The following STXBP5L variants were observed in gnomAD, a reference collection of about 807,000 sequenced individuals.
STXBP5L encodes syntaxin binding protein 5L.
STXBP5L carries 65 observed loss-of-function variants against 144.5 expected under a neutral mutation model. That is an observed-to-expected ratio of 0.45 (90% confidence interval 0.37 to 0.55). The LOEUF is 0.55. STXBP5L is among the 20% of genes least tolerant of loss of function. The probability of loss-of-function intolerance (pLI) is 0.00; values close to 1 mark genes in which losing one functional copy is unlikely to be tolerated. For synonymous variants in STXBP5L, 505 were observed against 469.6 expected, an observed-to-expected ratio of 1.08 and a Z score of -0.97; for missense variants, 1,298 against 1,405.5, an observed-to-expected ratio of 0.92 and a Z score of 1.22.
intron 9 of STXBP5L, among the ~76,000 whole-genome samples, chr3:121,186,512 G>T (rs1351199787): frequency 7.2e-5 from 11 of 152,128 alleles, no homozygotes; most frequent in African/African-American, 2.4e-4. Context: ...AAGCATTGTT[G>T]AATTTTGTCA....
intron 3 of STXBP5L, among the ~76,000 whole-genome samples, chr3:121,002,865 TC>T (rs909411130): frequency 9.9e-5 from 15 of 152,134 alleles, no homozygotes; most frequent in African/African-American, 3.1e-4. Context: ...TTCATCCATG[TC>T]CCTACAAAGA....
intron 19 of STXBP5L, among the ~76,000 whole-genome samples, chr3:121,284,255 C>T (rs766917498): frequency 2.0e-5 from 3 of 151,894 alleles, no homozygotes; most frequent in Non-Finnish European, 4.4e-5. Flanking sequence ...GGATTTTCTA[C>T]TATTCTCCTC....
chr3:120,984,345 G>A (rs1472343535), intron 3 of STXBP5L, among the ~76,000 whole-genome samples: 1 of 152,048 alleles, frequency 6.6e-6, no homozygotes, highest in Admixed American at 6.5e-5. Context: ...CCAGAGTTCT[G>A]GTGAACTCAG....
rs965800244 is a variant in STXBP5L at position 121,423,400 on chromosome 3, C to T, written c.*4303C>T. The T allele has an allele frequency of 6.6e-6, 1 of 152,086 alleles. No homozygotes were observed. The highest frequency in any genetic ancestry group is 2.1e-4 in the South Asian group (1 of 4,824). 9.4% of individuals were successfully genotyped at this position (152,086 alleles called of 1,614,324 possible). ...GTGTGTATTTGCAGACAACATAGCCCTGAAAGCATGAAATGTAGAATAGGT... is the reference window on the plus strand; with the variant it reads ...GTGTGTATTTGCAGACAACATAGCCTTGAAAGCATGAAATGTAGAATAGGT... On this transcript the variant is annotated 3_prime_UTR_variant, in exon 27 of 27. Transcript: ENST00000471454.
chr3:121,368,125 T>A (rs2045922364), intron 20 of STXBP5L, among the ~76,000 whole-genome samples: 1 of 152,106 alleles, frequency 6.6e-6, no homozygotes, highest in Non-Finnish European at 1.5e-5. Flanking sequence ...GACTTTTTAC[T>A]TAATGGGGAT....
At chr3:121,068,344 T>C (rs1283863398) in intron 5 of STXBP5L, among the ~76,000 whole-genome samples, 1 of 152,378 alleles carries the variant, frequency 6.6e-6, no homozygotes, top group Admixed American at 6.5e-5. Context: ...TAACATTTAA[T>C]ATAATTTATT....
chr3:121,118,706 G>A (rs1223505534), intron 6 of STXBP5L, among the ~76,000 whole-genome samples: 1 of 151,540 alleles, frequency 6.6e-6, no homozygotes, highest in African/African-American at 2.4e-5. Context: ...TAAAAATTAT[G>A]TTGGTGTTGT....
chr3:121,250,888 T>C, intron 15 of STXBP5L, 125 bp downstream of exon 15: 1 of 708,254 alleles, frequency 1.4e-6, no homozygotes, highest in Non-Finnish European at 2.4e-6. Context: ...GTGGCTGTGT[T>C]ACAAAAATCT....
intron 6 of STXBP5L, among the ~76,000 whole-genome samples, chr3:121,121,104 A>G (rs2044440645): frequency 6.6e-6 from 1 of 151,274 alleles, no homozygotes; most frequent in Non-Finnish European, 1.5e-5. Context: ...ATAACCAATG[A>G]ACTAGGTTTC....
chr3:121,359,990 T>C (rs2045657507), intron 20 of STXBP5L, among the ~76,000 whole-genome samples: 2 of 145,948 alleles, frequency 1.4e-5, no homozygotes, highest in African/African-American at 5.0e-5. Context: ...ATATATATAA[T>C]ATATATATTA....
intron 22 of STXBP5L, among the ~76,000 whole-genome samples, chr3:121,393,992 G>T (rs557988057): frequency 3.9e-5 from 6 of 152,110 alleles, no homozygotes; most frequent in Admixed American, 2.0e-4. Flanking sequence ...TAGGAATTGT[G>T]TTGAATCTGT....
At chr3:120,998,446 A>T (rs1290482891) in intron 3 of STXBP5L, among the ~76,000 whole-genome samples, 2 of 152,012 alleles carry the variant, frequency 1.3e-5, no homozygotes, top group Non-Finnish European at 2.9e-5. Flanking sequence ...GGTTTGTTAC[A>T]TAGGTATACA....
At chr3:121,037,955 ATTTG>A (rs1271821748) in intron 3 of STXBP5L, among the ~76,000 whole-genome samples, 2 of 151,888 alleles carry the variant, frequency 1.3e-5, no homozygotes, top group Non-Finnish European at 2.9e-5. Flanking sequence ...TTTAAATAAT[ATTTG>A]TTTGTTGTCT....
intron 5 of STXBP5L, among the ~76,000 whole-genome samples, chr3:121,073,978 A>C (rs2041916237): frequency 1.3e-5 from 2 of 152,182 alleles, no homozygotes. Context: ...CCTCCCACAG[A>C]ACACGAAGGA....
chr3:121,051,495 G>A (rs568371318), intron 5 of STXBP5L, among the ~76,000 whole-genome samples: 31 of 152,060 alleles, frequency 2.0e-4, no homozygotes, highest in South Asian at 6.2e-4. Context: ...TACTGGGTAC[G>A]TGACGAAAAG....
At chr3:121,168,846 C>A (rs568176629) in intron 9 of STXBP5L, among the ~76,000 whole-genome samples, 3 of 152,228 alleles carry the variant, frequency 2.0e-5, no homozygotes, top group East Asian at 1.9e-4. Context: ...GCGAACACCA[C>A]AAAGATACTC....
At chr3:120,997,375 C>T (rs1182140668) in intron 3 of STXBP5L, among the ~76,000 whole-genome samples, 1 of 152,166 alleles carries the variant, frequency 6.6e-6, no homozygotes, top group Non-Finnish European at 1.5e-5. Flanking sequence ...AAACTGATTT[C>T]CACAGGAGTG....
intron 19 of STXBP5L, among the ~76,000 whole-genome samples, chr3:121,295,649 A>T (rs570359153): frequency 1.3e-5 from 2 of 152,294 alleles, no homozygotes; most frequent in East Asian, 3.9e-4. Flanking sequence ...CAAATAAAAC[A>T]GTCTCTCAAC....
chr3:121,377,525 G>T (rs1230101942), intron 20 of STXBP5L, among the ~76,000 whole-genome samples: 1 of 152,110 alleles, frequency 6.6e-6, no homozygotes, highest in Non-Finnish European at 1.5e-5. Flanking sequence ...GGGCAAAGCT[G>T]TGAACAGACA....
Sources: allele counts gnomAD v4.1 joint callset (sites outside exome capture counted in the v4.1 genomes callset), GRCh38; gene constraint gnomAD v4.1.1; transcripts MANE v1.5; gene names NCBI Gene and HGNC (gene_info 2026-07-23, HGNC 2026-07-21).